Variants in PPM1H observed in about 807,000 individuals in gnomAD.
The protein encoded by PPM1H is protein phosphatase 1H.
In PPM1H, 27 loss-of-function variants were observed where a neutral mutation model predicts 54.9. The ratio of observed to expected loss-of-function variants is 0.49; its 90% CI spans 0.36 to 0.68. PPM1H has a LOEUF of 0.68. Ranked by LOEUF, PPM1H falls within the 30% of genes least tolerant of loss-of-function variation. The probability of loss-of-function intolerance (pLI) is 0.00; values close to 1 mark genes in which losing one functional copy is unlikely to be tolerated. For synonymous variants in PPM1H, 305 were observed against 270.8 expected, an observed-to-expected ratio of 1.13 and a Z score of -1.24; for missense variants, 596 against 667.8, an observed-to-expected ratio of 0.89 and a Z score of 1.19.
intron 4 of PPM1H, among the ~76,000 whole-genome samples, chr12:62,747,682 C>A (rs1482146634): frequency 6.6e-6 from 1 of 152,226 alleles, no homozygotes; most frequent in Non-Finnish European, 1.5e-5. Flanking sequence ...CACACTTCAG[C>A]CCTTCTGCCC....
At chr12:62,776,390 T>C (rs2076611518) in intron 4 of PPM1H, among the ~76,000 whole-genome samples, 1 of 152,224 alleles carries the variant, frequency 6.6e-6, no homozygotes, top group South Asian at 2.1e-4. Flanking sequence ...TTATTACCAA[T>C]AGCATACTCA....
At chr12:62,703,295 C>T (rs577094596) in intron 6 of PPM1H, among the ~76,000 whole-genome samples, 210 of 151,904 alleles carry the variant, frequency 1.4e-3, no homozygotes, top group Middle Eastern at 6.3e-3. Context: ...AATGAGGACT[C>T]AGATACTCAG....
intron 4 of PPM1H, among the ~76,000 whole-genome samples, chr12:62,771,670 A>C (rs1261953602): frequency 6.6e-6 from 1 of 152,216 alleles, no homozygotes; most frequent in Non-Finnish European, 1.5e-5. Context: ...ATATATTGAT[A>C]ATCACTGTTG....
At chr12:62,784,214 C>T (rs1271885567) in intron 4 of PPM1H, among the ~76,000 whole-genome samples, 13 of 152,132 alleles carry the variant, frequency 8.5e-5, no homozygotes, top group Admixed American at 6.5e-4. Flanking sequence ...TATCAGGGCA[C>T]GGACCAGACC....
chr12:62,737,308 T>C (rs2076355309), intron 5 of PPM1H, among the ~76,000 whole-genome samples, 194 bp downstream of exon 5: 1 of 150,410 alleles, frequency 6.6e-6, no homozygotes, highest in African/African-American at 2.5e-5. Flanking sequence ...AATAATAAAT[T>C]CACGGAGGTG....
intron 1 of PPM1H, among the ~76,000 whole-genome samples, chr12:62,867,946 G>C (rs976072799): frequency 6.6e-6 from 1 of 152,032 alleles, no homozygotes; most frequent in East Asian, 1.9e-4. Flanking sequence ...CCCATATTAC[G>C]TTCTGGGGTG....
intron 1 of PPM1H, among the ~76,000 whole-genome samples, chr12:62,882,697 G>A (rs1592652817): frequency 2.6e-5 from 4 of 152,328 alleles, no homozygotes; most frequent in Admixed American, 6.5e-5. Flanking sequence ...CCCGGGTCAA[G>A]TATTTCTTCT....
chr12:62,712,492 C>T (rs2076212832), intron 6 of PPM1H, among the ~76,000 whole-genome samples: 1 of 152,192 alleles, frequency 6.6e-6, no homozygotes, highest in Non-Finnish European at 1.5e-5. Context: ...AGGTCTGTGG[C>T]ATGACGGCAA....
chr12:62,807,721 G>C (rs558249471), intron 2 of PPM1H, among the ~76,000 whole-genome samples: 1 of 152,144 alleles, frequency 6.6e-6, no homozygotes, highest in East Asian at 1.9e-4. Flanking sequence ...CATACTATTC[G>C]GGGAAATACA....
intron 1 of PPM1H, among the ~76,000 whole-genome samples, chr12:62,893,053 G>C (rs1446708310): frequency 1.3e-5 from 2 of 152,168 alleles, no homozygotes; most frequent in African/African-American, 4.8e-5. Flanking sequence ...AGGGGTTGGT[G>C]AACTATGGTC....
At chr12:62,899,195 T>C (rs1871084719) in intron 1 of PPM1H, among the ~76,000 whole-genome samples, 1 of 152,170 alleles carries the variant, frequency 6.6e-6, no homozygotes, top group Admixed American at 6.5e-5. Context: ...TGCACTTTTG[T>C]ATGTATTTTT....
intron 1 of PPM1H, among the ~76,000 whole-genome samples, chr12:62,931,470 A>AT (rs1386078562): frequency 1.3e-5 from 2 of 152,190 alleles, no homozygotes; most frequent in African/African-American, 2.4e-5. Context: ...TTCAGGATGC[A>AT]TTTTTGCAGG....
chr12:62,737,661 C>G, intron 4 of PPM1H, 75 bp from the exon 5 acceptor site: 1 of 1,035,576 alleles, frequency 9.7e-7, no homozygotes, highest in South Asian at 1.6e-5. Context: ...TTGCTTGGTT[C>G]AGGTCACACA....
intron 1 of PPM1H, among the ~76,000 whole-genome samples, chr12:62,853,495 A>T (rs570390992): frequency 6.6e-6 from 1 of 152,348 alleles, no homozygotes; most frequent in South Asian, 2.1e-4. Flanking sequence ...AAAAGAAAAT[A>T]TCAAGAATGG....
chr12:62,653,214 T>C (rs897000162), intron 9 of PPM1H, among the ~76,000 whole-genome samples: 4 of 152,230 alleles, frequency 2.6e-5, no homozygotes, highest in Non-Finnish European at 4.4e-5. Flanking sequence ...TTTTTACTTA[T>C]CATGGTAAGA....
chr12:62,716,015 G>A (rs1272679182), intron 6 of PPM1H, among the ~76,000 whole-genome samples: 1 of 152,090 alleles, frequency 6.6e-6, no homozygotes, highest in Non-Finnish European at 1.5e-5. Context: ...CTAAAGAAAA[G>A]CTGACTGGCA....
At chr12:62,784,411 G>C (rs1331946471) in intron 4 of PPM1H, among the ~76,000 whole-genome samples, 1 of 152,168 alleles carries the variant, frequency 6.6e-6, no homozygotes, top group Non-Finnish European at 1.5e-5. Flanking sequence ...CTTAGTTCCT[G>C]ACCATTGGCA....
chr12:62,912,204 T>C (rs1360041209), intron 1 of PPM1H, among the ~76,000 whole-genome samples: 2 of 152,210 alleles, frequency 1.3e-5, no homozygotes, highest in East Asian at 3.9e-4. Flanking sequence ...CAACATTCAT[T>C]TAGCAGAAAA....
chr12:62,747,486 C>A (rs557442932), intron 4 of PPM1H, among the ~76,000 whole-genome samples: 2 of 152,302 alleles, frequency 1.3e-5, no homozygotes, highest in South Asian at 4.1e-4. Context: ...GATCCTCACA[C>A]CTAAGCCTCC....
Sources: allele counts gnomAD v4.1 joint callset (sites outside exome capture counted in the v4.1 genomes callset), GRCh38; gene constraint gnomAD v4.1.1; transcripts MANE v1.5; gene names NCBI Gene and HGNC (gene_info 2026-07-23, HGNC 2026-07-21).